PIGK: variants seen among roughly 807,000 people sequenced by gnomAD.
PIGK encodes the protein GPI-anchor transamidase.
In PIGK, 42 loss-of-function variants were observed where a neutral mutation model predicts 50.6. The observed-to-expected ratio is 0.83, with a 90% CI of 0.65 to 1.07. PIGK has a LOEUF of 1.07. Among genes scored for constraint, PIGK ranks in the 50% least tolerant of loss-of-function variants. The pLI, the probability that PIGK is intolerant of heterozygous loss-of-function variation, is 0.00. For synonymous variants in PIGK, 151 were observed against 156.0 expected (o/e 0.97, Z 0.24); for missense variants, 448 against 488.7 (o/e 0.92, Z 0.78).
chr1:77,147,156 T>G (rs1654788423), intron 9 of PIGK, among the ~76,000 whole-genome samples: 1 of 151,824 alleles, frequency 6.6e-6, no homozygotes, highest in Admixed American at 6.6e-5. Context: ...TAAGAGAGAA[T>G]GAGAGGGGAG....
intron 3 of PIGK, among the ~76,000 whole-genome samples, chr1:77,181,392 C>A (rs897928918): frequency 2.0e-5 from 3 of 152,018 alleles, no homozygotes; most frequent in Non-Finnish European, 1.5e-5. Context: ...CACAACTTTT[C>A]GTTTGTAATA....
intron 8 of PIGK, 62 bp from the exon 9 acceptor site, chr1:77,154,683 A>G: frequency 1.9e-6 from 2 of 1,052,886 alleles, no homozygotes; most frequent in South Asian, 2.9e-5. Context: ...ATTAAATCCA[A>G]TCACATAATT....
At chr1:77,215,213 A>G (rs570406820) in intron 1 of PIGK, among the ~76,000 whole-genome samples, 3 of 152,206 alleles carry the variant, frequency 2.0e-5, no homozygotes, top group South Asian at 4.1e-4. Context: ...AGGAACTCAA[A>G]CTTATGCTAA....
At chr1:77,210,749 A>G (rs978132920) in intron 1 of PIGK, among the ~76,000 whole-genome samples, 3 of 152,074 alleles carry the variant, frequency 2.0e-5, no homozygotes, top group Admixed American at 6.5e-5. Flanking sequence ...CCAATTAAAC[A>G]GAGTAACCTT....
intron 9 of PIGK, among the ~76,000 whole-genome samples, chr1:77,123,436 A>G (rs897491763): frequency 2.6e-5 from 4 of 152,170 alleles, no homozygotes; most frequent in East Asian, 3.8e-4. Context: ...AAAAGACAAA[A>G]TTTTCATATG....
At chr1:77,169,108 T>C (rs1655298146) in intron 4 of PIGK, 152 bp downstream of exon 4, 2 of 477,634 alleles carry the variant, frequency 4.2e-6, no homozygotes, top group African/African-American at 2.0e-5. Flanking sequence ...TTATATATCA[T>C]TGCCTTAATA....
chr1:77,188,722 C>T lies in PIGK; in HGVS notation c.239+17918G>A, dbSNP rs564999126. Among the ~76,000 whole-genome samples, 84 of 152,286 alleles carry T rather than the reference C, an allele frequency of 5.5e-4. 1 individual carries two copies. The highest frequency in any genetic ancestry group is 1.6e-3 in the African/African-American group (67 of 41,560). ...TGTGGGGCATCACGGATCCTACCAACGTGTGATGTCTCCCCTGGATGCCCA... is the reference window on the plus strand; with the variant it reads ...TGTGGGGCATCACGGATCCTACCAATGTGTGATGTCTCCCCTGGATGCCCA... On this transcript the variant is annotated intron_variant, in intron 3 of 10. Coordinates refer to ENST00000370812, the MANE Select transcript of PIGK (RefSeq NM_005482.3).
At chr1:77,189,003 AG>A (rs1411387941) in intron 3 of PIGK, among the ~76,000 whole-genome samples, 1 of 152,226 alleles carries the variant, frequency 6.6e-6, no homozygotes, top group Non-Finnish European at 1.5e-5. Flanking sequence ...AATTGTCATG[AG>A]TATTTCCTCC....
intron 2 of PIGK, 28 bp downstream of exon 2, chr1:77,210,408 G>T: frequency 3.5e-6 from 5 of 1,442,450 alleles, no homozygotes; most frequent in Non-Finnish European, 4.7e-6. Context: ...AATGTGAACA[G>T]CAAGGTATAC....
chr1:77,129,002 T>C (rs935618450), intron 9 of PIGK: 3 of 685,956 alleles, frequency 4.4e-6, no homozygotes, highest in Non-Finnish European at 8.0e-6. Flanking sequence ...TGTTGCACTA[T>C]AACAGCAGAG....
At chr1:77,113,501 AG>A (rs1653899309) in intron 10 of PIGK, among the ~76,000 whole-genome samples, 1 of 152,096 alleles carries the variant, frequency 6.6e-6, no homozygotes, top group Non-Finnish European at 1.5e-5. Flanking sequence ...ATGCTTATCA[AG>A]GCTCTTTGAC....
At chr1:77,158,190 T>C (rs1033731839) in intron 8 of PIGK, among the ~76,000 whole-genome samples, 4 of 152,174 alleles carry the variant, frequency 2.6e-5, no homozygotes, top group African/African-American at 9.6e-5. Flanking sequence ...CTAATTTTTG[T>C]ATTTTTAGTA....
intron 10 of PIGK, among the ~76,000 whole-genome samples, chr1:77,093,008 T>G (rs1653333537): frequency 6.6e-6 from 1 of 152,032 alleles, no homozygotes; most frequent in Non-Finnish European, 1.5e-5. Context: ...CTTGTTTAAG[T>G]GCCAGTGCCT....
chr1:77,105,211 G>A (rs560404653), intron 10 of PIGK, among the ~76,000 whole-genome samples: 18 of 152,110 alleles, frequency 1.2e-4, no homozygotes, highest in African/African-American at 3.4e-4. Context: ...AAGTTCAGCC[G>A]TCTCCCTCGA....
In PIGK at chr1:77,122,289, G is replaced by C; in HGVS notation, c.1057C>G (p.Gln353Glu). The change falls in exon 10 of 11, where the codon CAG (glutamine) becomes GAG (glutamate). Residue 353 changes from glutamine (Q) to glutamate (E), a missense_variant. Coordinates refer to ENST00000370812, the MANE Select transcript of PIGK (RefSeq NM_005482.3). ...GAAATGCAAACCTGGTGTATTATCTGAGCTACAGGAAGTTGTTCAGCATAT... is the reference window on the plus strand; with the variant it reads ...GAAATGCAAACCTGGTGTATTATCTCAGCTACAGGAAGTTGTTCAGCATAT... ...LKYAEQLPVA[Q>E]IIHQKPKLKD... The C allele has an allele frequency of 6.3e-7, 1 of 1,592,224 alleles. No homozygotes were observed. Among genetic ancestry groups the C allele is most frequent in the Non-Finnish European group, 8.6e-7 (1 of 1,160,552 alleles).
At position 77,143,000 on chromosome 1, in the gene PIGK, T is replaced by C. The variant is rs1207352745; in HGVS notation, c.986+11449A>G. Among the ~76,000 whole-genome samples the C allele has an allele frequency of 2.0e-5, 3 of 152,168 alleles. No homozygotes were observed. In the East Asian group the frequency reaches 5.8e-4, roughly 29 times the overall value. On this transcript the variant is annotated intron_variant, in intron 9 of 10. Coordinates refer to ENST00000370812, the MANE Select transcript of PIGK (RefSeq NM_005482.3). ...ACTTGTAGAATATTTGAAAACCCAG[T>C]AGCAAGGCACACCATTATGCCAACA... is the stretch of plus-strand genomic sequence containing the variant.
chr1:77,163,171 A>C (rs1655165820), intron 6 of PIGK, among the ~76,000 whole-genome samples: 1 of 152,166 alleles, frequency 6.6e-6, no homozygotes, highest in Admixed American at 6.5e-5. Flanking sequence ...TTATGCTTTT[A>C]TTTTAACATT....
At chr1:77,188,122 A>T (rs1570250373) in intron 3 of PIGK, among the ~76,000 whole-genome samples, 2 of 152,216 alleles carry the variant, frequency 1.3e-5, no homozygotes, top group East Asian at 3.9e-4. Context: ...AAATGTGGGC[A>T]TCTTGAAAAA....
chr1:77,164,561 G>C (rs1046828835), intron 5 of PIGK, among the ~76,000 whole-genome samples: 3 of 151,944 alleles, frequency 2.0e-5, no homozygotes, highest in Non-Finnish European at 2.9e-5. Context: ...AAAAAAACTA[G>C]TCTCCTCACC....
Sources: gnomAD v4.1 joint callset for allele counts (sites outside exome capture counted in the v4.1 genomes callset) on GRCh38, gnomAD v4.1.1 for gene constraint, MANE v1.5 for transcripts, NCBI Gene and HGNC (gene_info 2026-07-23, HGNC 2026-07-21) for gene names.